DYNC1H1: variants seen among roughly 807,000 people sequenced by gnomAD.
The protein encoded by DYNC1H1 is cytoplasmic dynein 1 heavy chain 1.
A neutral mutation model predicts 527.1 loss-of-function variants in DYNC1H1; 51 were observed. That is an observed-to-expected ratio of 0.10 (90% CI 0.08 to 0.12). The LOEUF is 0.12. Ranked by LOEUF, DYNC1H1 falls within the 10% of genes least tolerant of loss-of-function variation. The pLI, the probability that DYNC1H1 is intolerant of heterozygous loss-of-function variation, is 1.00. For missense variants in DYNC1H1, 2,771 were observed against 5,971.8 expected (o/e 0.46, Z 17.66); for synonymous variants, 2,189 against 2,278.8 (o/e 0.96, Z 1.12).
intron 34 of DYNC1H1, among the ~76,000 whole-genome samples, chr14:102,013,630 G>A (rs2048285978): frequency 6.6e-6 from 1 of 152,210 alleles, no homozygotes; most frequent in Admixed American, 6.5e-5. Flanking sequence ...AGGGGCCTAG[G>A]AGGTCATTGT....
chr14:101,975,762 A>G lies in DYNC1H1; in HGVS notation c.307A>G (p.Ile103Val). The change falls in exon 2 of 78, where the codon ATC becomes GTC. Residue 103 changes from isoleucine (I) to valine (V), a missense_variant. Physicochemically the swap from Ile to Val is conservative, Grantham distance 29 (BLOSUM62 3). Around this residue, in one of 32 missense-constraint regions of DYNC1H1, gnomAD observed 146 missense variants for 288.1 expected, o/e 0.51. Coordinates refer to ENST00000360184, the MANE Select transcript of DYNC1H1 (RefSeq NM_001376.5). Reference protein sequence around the residue: ...EEEKEFISYNINIDIHYGVKS... With the variant: ...EEEKEFISYNVNIDIHYGVKS... ...AGAAAAAGAATTCATTTCCTATAAC[A>G]TCAACATAGACATTCATTATGGGGT... 6.2e-7 allele frequency: 1 copy of G among 1,613,704 alleles called. No homozygotes were observed. The highest frequency in any genetic ancestry group is 8.5e-7 in the Non-Finnish European group (1 of 1,179,678).
intron 28 of DYNC1H1, among the ~76,000 whole-genome samples, chr14:102,007,886 C>T (rs572621239): frequency 6.6e-6 from 1 of 152,354 alleles, no homozygotes; most frequent in African/African-American, 2.4e-5. Flanking sequence ...AGTGAGGGCC[C>T]TCTTCCTGGC....
In DYNC1H1 at chr14:102,017,201, A is replaced by G. The variant is rs769488702; in HGVS notation, c.7962A>G (p.Gln2654=). ...TPNGVVLAPV[Q]LGKWLVLFCD... Reference sequence around the variant, plus strand: ...ATGGGGTGGTTTTGGCTCCTGTTCAACTTGGAAAGTGGCTGGTGTTGTTCT... The same window carrying G: ...ATGGGGTGGTTTTGGCTCCTGTTCAGCTTGGAAAGTGGCTGGTGTTGTTCT... The change falls in exon 39 of 78, where the codon CAA becomes CAG. Residue 2654 remains glutamine, a synonymous_variant. Transcript: ENST00000360184. This position sits in a 1 kb window ranked among gnomAD's most constrained non-coding sequence, Gnocchi z 4.6. The G allele has an allele frequency of 1.2e-6, 2 of 1,614,224 alleles. No individual in the cohort carries two copies. Among genetic ancestry groups the G allele is most frequent in the Admixed American group, 3.3e-5 (2 of 60,030 alleles).
rs2152586413 is a variant in DYNC1H1 at position 102,022,824 on chromosome 14, A to G, written c.8581A>G (p.Ile2861Val). The G allele has an allele frequency of 6.2e-7, 1 of 1,614,244 alleles. No individual in the cohort carries two copies. Among genetic ancestry groups the G allele is most frequent in the Non-Finnish European group, 8.5e-7 (1 of 1,180,048 alleles). ...DTVALKHFPN[I>V]DREKAMSRPI... ...GGTTGCTCTGAAGCACTTCCCTAAC[A>G]TCGACAGAGAGAAGGCAATGAGCCG... The change falls in exon 43 of 78, where the codon ATC becomes GTC. Residue 2861 changes from isoleucine to valine, a missense_variant. This residue lies in a region of DYNC1H1 where 163 missense variants were observed against 346.9 expected (regional missense o/e 0.47). Coordinates refer to ENST00000360184, the MANE Select transcript of DYNC1H1 (RefSeq NM_001376.5).
In DYNC1H1 at chr14:102,052,810, C is replaced by G. The variant is rs2048829408; in HGVS notation, c.*2247C>G. ...TCTTTGGCTTCCAGGGACACGGGCCCAGCTGGCCACTTCTATGACAAGAAT... is the reference window on the plus strand; with the variant it reads ...TCTTTGGCTTCCAGGGACACGGGCCGAGCTGGCCACTTCTATGACAAGAAT... On this transcript the variant is annotated 3_prime_UTR_variant, in exon 78 of 78. Transcript: ENST00000360184. 6.6e-6 allele frequency: 1 copy of G among 152,228 alleles called. No individual in the cohort carries two copies. Among genetic ancestry groups the G allele is most frequent in the Non-Finnish European group, 1.5e-5 (1 of 68,062 alleles). 9.4% of individuals were successfully genotyped at this position (152,228 alleles called of 1,614,324 possible). A position where few individuals can be genotyped will look rare whatever the true frequency, so the allele number is the denominator to read the frequency against.
At position 101,968,344 on chromosome 14, in the gene DYNC1H1, T is replaced by C. The variant is rs56831467; in HGVS notation, c.256+3397T>C. ...CTCAACTGTGTCACCCAGGCAGGAG[T>C]GCAGTGGCCCAGTCATGGCTCATTG... On this transcript the variant is annotated intron_variant, in intron 1 of 77. Transcript: ENST00000360184. 5.5e-3 allele frequency among the ~76,000 whole-genome samples: 834 copies of C among 152,108 alleles called. 17 individuals carry two copies. Among genetic ancestry groups the C allele is most frequent in the East Asian group, 0.037 (190 of 5,166 alleles).
intron 17 of DYNC1H1, 52 bp from the exon 18 acceptor site, chr14:102,000,234 C>G: frequency 1.2e-6 from 2 of 1,614,070 alleles, no homozygotes; most frequent in Admixed American, 3.3e-5. Flanking sequence ...CTGCCAGATT[C>G]TGGGGTGATT....
At chr14:102,030,027 A>G in intron 50 of DYNC1H1, 89 bp downstream of exon 50, 3 of 1,607,982 alleles carry the variant, frequency 1.9e-6, no homozygotes, top group Non-Finnish European at 2.5e-6. Context: ...AATGGGTCTT[A>G]GGGTTAGAGA....
Position 102,049,108 on chromosome 14 carries a change from T to C in DYNC1H1, c.13373-332T>C, listed in dbSNP as rs1595637182. ...ATCCTCCTGTTTGCCCCAAAAGCCCTAATTGCCAGGAACACTGAGCCACTT... is the reference window on the plus strand; with the variant it reads ...ATCCTCCTGTTTGCCCCAAAAGCCCCAATTGCCAGGAACACTGAGCCACTT... On this transcript the variant is annotated intron_variant, in intron 74 of 77. Transcript: ENST00000360184. The surrounding 1 kb of genome is among the most constrained non-coding windows in gnomAD (Gnocchi z 5.5). The C allele has an allele frequency of 2.3e-6, 1 of 441,282 alleles. No homozygotes were observed. Among genetic ancestry groups the C allele is most frequent in the East Asian group, 4.9e-5 (1 of 20,432 alleles). 27.3% of individuals were successfully genotyped at this position (441,282 alleles called of 1,614,324 possible).
chr14:101,979,678 C>T lies in DYNC1H1; in HGVS notation c.519-41C>T, dbSNP rs1157651590. The T allele has an allele frequency of 1.4e-5, 22 of 1,612,844 alleles. No homozygotes were observed. Among genetic ancestry groups the T allele is most frequent in the Non-Finnish European group, 1.8e-5 (21 of 1,179,958 alleles). ...GAAATGATGGGATCTCTTTGGAGAC[C>T]AATAGCACACTAAATGTTGAGGTAT... On this transcript the variant is annotated intron_variant, in intron 3 of 77. Transcript: ENST00000360184. This position sits in a 1 kb window ranked among gnomAD's most constrained non-coding sequence, Gnocchi z 4.6.
rs2048817896 is a variant in DYNC1H1, at chr14:102,051,980, C to CTT, written c.*1418_*1419insTT. The CTT allele has an allele frequency of 6.6e-6, 1 of 152,234 alleles. No individual in the cohort carries two copies. Among genetic ancestry groups the CTT allele is most frequent in the African/African-American group, 2.4e-5 (1 of 41,440 alleles). 9.4% of individuals were successfully genotyped at this position (152,234 alleles called of 1,614,324 possible). A position where few individuals can be genotyped will look rare whatever the true frequency, so the allele number is the denominator to read the frequency against. ...GTGCTGAGATGACAGGCATGAGCCA[C>CTT]TGCACCTGGCCAAATTTTTGTATTT... On this transcript the variant is annotated 3_prime_UTR_variant, in exon 78 of 78. Coordinates refer to ENST00000360184, the MANE Select transcript of DYNC1H1 (RefSeq NM_001376.5).
At chr14:102,003,807 T>C (rs2048160823) in intron 23 of DYNC1H1, among the ~76,000 whole-genome samples, 1 of 151,932 alleles carries the variant, frequency 6.6e-6, no homozygotes, top group Non-Finnish European at 1.5e-5. Flanking sequence ...CTGCCTATAA[T>C]CCCAGGTACT....
At position 101,983,629 on chromosome 14, in the gene DYNC1H1, A is replaced by G; in HGVS notation, c.1461+20A>G. 6.2e-7 allele frequency: 1 copy of G among 1,610,068 alleles called. No individual in the cohort carries two copies. Among genetic ancestry groups the G allele is most frequent in the Non-Finnish European group, 8.5e-7 (1 of 1,177,800 alleles). On this transcript the variant is annotated intron_variant, in intron 7 of 77. Transcript: ENST00000360184. The surrounding 1 kb of genome is among the most constrained non-coding windows in gnomAD (Gnocchi z 5.3). ...CCACAGGTAAGATTTGCATTCTAAA[A>G]GTTTGTGTTTTGTTTTTGTTTTTGT...
At position 102,046,613 on chromosome 14, in the gene DYNC1H1, CTG is replaced by C. The variant is rs143889439; in HGVS notation, c.13007-1201_13007-1200del. On this transcript the variant is annotated intron_variant, in intron 72 of 77. Transcript: ENST00000360184. ...GGTGGCAGTCACAGGCCAAGGGACA[CTG>C]TGGTGACCAGTTTTCTGAGTTAAGA... Among the ~76,000 whole-genome samples, 911 of 152,326 alleles carry C rather than the reference CTG, an allele frequency of 6.0e-3. 17 individuals carry two copies. Among genetic ancestry groups the C allele is most frequent in the East Asian group, 0.037 (190 of 5,172 alleles).
chr14:101,970,780 GC>G (rs1483341511), intron 1 of DYNC1H1, among the ~76,000 whole-genome samples: 1 of 152,196 alleles, frequency 6.6e-6, no homozygotes, highest in Admixed American at 6.5e-5. Context: ...ACTGTGCCCA[GC>G]CCATGTTTGG....
rs1368843946 is a variant in DYNC1H1, at chr14:101,991,619, T to G, written c.2961T>G (p.Phe987Leu). The G allele has an allele frequency of 6.2e-7, 1 of 1,614,096 alleles. No individual in the cohort carries two copies. The highest frequency in any genetic ancestry group is 8.5e-7 in the Non-Finnish European group (1 of 1,180,044). ...GATACAAGCTGTATCAGGAAATGTTTGCCTGGAAGATGGTTGTACTGTCTC... is the reference window on the plus strand; with the variant it reads ...GATACAAGCTGTATCAGGAAATGTTGGCCTGGAAGATGGTTGTACTGTCTC... ...ECRYKLYQEMFAWKMVVLSLP... is the reference protein window; with the variant it reads ...ECRYKLYQEMLAWKMVVLSLP... The change falls in exon 11 of 78, where the codon TTT (phenylalanine) becomes TTG (leucine). Residue 987 changes from phenylalanine to leucine, a missense_variant. Around this residue, in one of 32 missense-constraint regions of DYNC1H1, gnomAD observed 179 missense variants for 349.4 expected, o/e 0.51. Coordinates refer to ENST00000360184, the MANE Select transcript of DYNC1H1 (RefSeq NM_001376.5).
At chr14:101,988,658 A>G (rs748184241) in intron 9 of DYNC1H1, 45 bp from the exon 10 acceptor site, 1 of 1,613,556 alleles carries the variant, frequency 6.2e-7, no homozygotes, top group South Asian at 1.1e-5. Flanking sequence ...TTTGTGAGCT[A>G]ACTTTTAGAA....
intron 11 of DYNC1H1, among the ~76,000 whole-genome samples, chr14:101,993,363 A>G (rs1030611710): frequency 3.9e-5 from 6 of 152,168 alleles, no homozygotes; most frequent in African/African-American, 1.4e-4. Context: ...AGCAAGTTTT[A>G]GATTCTAAGT....
chr14:101,999,532 T>A (rs1199487285), intron 16 of DYNC1H1, among the ~76,000 whole-genome samples: 1 of 152,244 alleles, frequency 6.6e-6, no homozygotes, highest in Non-Finnish European at 1.5e-5. Context: ...AAAGGAAGTA[T>A]GCAAATGGTA....
Sources: allele counts gnomAD v4.1 joint callset (sites outside exome capture counted in the v4.1 genomes callset), GRCh38; gene constraint gnomAD v4.1.1; regional missense constraint gnomAD v4.1.1; non-coding constraint Gnocchi (gnomAD v3.1); transcripts MANE v1.5; gene names NCBI Gene and HGNC (gene_info 2026-07-23, HGNC 2026-07-21).